Variants in EVI5L observed in about 807,000 individuals in gnomAD.
EVI5L encodes the protein ecotropic viral integration site 5 like.
A neutral mutation model predicts 106.1 loss-of-function variants in EVI5L; 30 were observed. The ratio of observed to expected loss-of-function variants is 0.28; its 90% CI spans 0.21 to 0.38. EVI5L has a LOEUF of 0.38. EVI5L is among the 10% of genes least tolerant of loss of function. The pLI, the probability that EVI5L is intolerant of heterozygous loss-of-function variation, is 1.00. For missense variants in EVI5L, 809 were observed against 1,098.0 expected (o/e 0.74, Z 3.72); for synonymous variants, 489 against 483.3 (o/e 1.01, Z -0.15).
rs757641818 is a variant in EVI5L at position 7,848,878 on chromosome 19, G to C, written c.328-43G>C. On this transcript the variant is annotated intron_variant, in intron 3 of 19. Coordinates refer to ENST00000538904, the MANE Select transcript of EVI5L (RefSeq NM_001159944.3). This position sits in a 1 kb window ranked among gnomAD's most constrained non-coding sequence, Gnocchi z 4.8. ...GGCTGGGTGGCCACGGGGAGGCTGC[G>C]CTGGGACCGAGTCCAGCCCCCGCTT... The C allele has an allele frequency of 8.2e-6, 13 of 1,581,398 alleles. No individual in the cohort carries two copies. Among genetic ancestry groups the C allele is most frequent in the Non-Finnish European group, 1.1e-5 (13 of 1,159,764 alleles).
chr19:7,847,760 C>T lies in EVI5L; in HGVS notation c.166C>T (p.Arg56Cys), dbSNP rs749715262. Residue 56 changes from arginine to cysteine, a missense_variant, in exon 3 of 20, where the codon CGC (arginine) becomes TGC (cysteine). Around this residue, in one of 2 missense-constraint regions of EVI5L, gnomAD observed 357 missense variants for 588.1 expected, o/e 0.61. Coordinates refer to ENST00000538904, the MANE Select transcript of EVI5L (RefSeq NM_001159944.3). ...RLLEADSKSM[R>C]SMNGSRRNSG... Reference sequence around the variant, plus strand: ...CCTGGAGGCCGACTCCAAGTCCATGCGCTCCATGAATGGCTCGCGGCGGAA... The same window carrying T: ...CCTGGAGGCCGACTCCAAGTCCATGTGCTCCATGAATGGCTCGCGGCGGAA... 6.2e-6 allele frequency: 10 copies of T among 1,613,314 alleles called. No homozygotes were observed. The highest frequency in any genetic ancestry group is 4.0e-5 in the African/African-American group (3 of 74,902).
chr19:7,862,727 C>CGCGGCCA (rs2146441259), intron 17 of EVI5L, among the ~76,000 whole-genome samples, 193 bp downstream of exon 17: 1 of 120,580 alleles, frequency 8.3e-6, no homozygotes, highest in African/African-American at 3.0e-5. Context: ...TGATCCGGCC[C>CGCGGCCA]CGCCTCCTGA....
At position 7,851,777 on chromosome 19, in the gene EVI5L, C is replaced by T. The variant is rs762212619; in HGVS notation, c.987+7C>T. 1.1e-5 allele frequency: 17 copies of T among 1,493,478 alleles called. No homozygotes were observed. The highest frequency in any genetic ancestry group is 4.2e-5 in the South Asian group (3 of 71,034). 92.5% of individuals were successfully genotyped at this position (1,493,478 alleles called of 1,614,324 possible). A position where few individuals can be genotyped will look rare whatever the true frequency, so the allele number is the denominator to read the frequency against. ...CATGGAGGGGATGTCCCAGGTGGGC[C>T]GGGAGGGCCAGGGCCGGTGGGGCTG... On this transcript the variant is annotated splice_region_variant and intron_variant, in intron 8 of 19. Transcript: ENST00000538904.
intron 1 of EVI5L, among the ~76,000 whole-genome samples, chr19:7,831,142 T>C (rs891016618): frequency 6.8e-6 from 1 of 147,956 alleles, no homozygotes; most frequent in African/African-American, 2.5e-5. Context: ...TCCTGAAAAA[T>C]CCACCCATGC....
intron 7 of EVI5L, 26 bp from the exon 8 acceptor site, chr19:7,851,655 T>C (rs1371580409): frequency 3.8e-6 from 6 of 1,586,248 alleles, no homozygotes; most frequent in Non-Finnish European, 4.3e-6. Context: ...GCCCTCCACC[T>C]CCCACTGCCT....
chr19:7,832,707 A>G (rs62125114), intron 1 of EVI5L, among the ~76,000 whole-genome samples: 23,658 of 152,132 alleles, frequency 0.16, 2,420 homozygotes, highest in Middle Eastern at 0.22. Context: ...GCTGAGCTGT[A>G]TTGCAGGGAG....
At chr19:7,841,240 C>T (rs1002189164) in intron 1 of EVI5L, among the ~76,000 whole-genome samples, 3 of 151,886 alleles carry the variant, frequency 2.0e-5, no homozygotes, top group South Asian at 2.1e-4. Flanking sequence ...TTGAGAGAAA[C>T]GAAAAGCTGG....
Position 7,860,570 on chromosome 19 carries a change from C to A in EVI5L, c.1384C>A (p.Arg462Ser), listed in dbSNP as rs867547729. The A allele has an allele frequency of 6.3e-7, 1 of 1,591,482 alleles. No homozygotes were observed. Among genetic ancestry groups the A allele is most frequent in the East Asian group, 2.3e-5 (1 of 44,058 alleles). Residue 462 changes from arginine (R) to serine (S), a missense_variant, in exon 14 of 20, where the codon CGC (arginine) becomes AGC (serine). Transcript: ENST00000538904. ...TCTCTGCCTCCCCCAGGAGAACCCC[C>A]GCCTCACAGAAGACTTCGTGTCCCA... The part of the protein sequence containing the change: ...RQLQEQQENP[R>S]LTEDFVSHLE...
At position 7,863,539 on chromosome 19, in the gene EVI5L, G is replaced by A; in HGVS notation, c.2255G>A (p.Gly752Asp). ...CCGTCGTCGGACGAGGAGCTACTTG[G>A]CGTAGGCGTGGGCGCTGCCCTGCAG... ...SLPSSDEELL[G>D]VGVGAALQDA... The change falls in exon 20 of 20, where the codon GGC (glycine) becomes GAC (aspartate). Residue 752 changes from glycine to aspartate, a missense_variant. Gly to Asp is a moderately conservative substitution (Grantham distance 94). Coordinates refer to ENST00000538904, the MANE Select transcript of EVI5L (RefSeq NM_001159944.3). This position sits in a 1 kb window ranked among gnomAD's most constrained non-coding sequence, Gnocchi z 7.7. 1 of 1,599,414 alleles carries A rather than the reference G, an allele frequency of 6.3e-7. No individual in the cohort carries two copies. Among genetic ancestry groups the A allele is most frequent in the East Asian group, 2.3e-5 (1 of 44,070 alleles).
Position 7,863,823 on chromosome 19 carries a change from C to A in EVI5L, c.*121C>A. 2 of 1,349,468 alleles carry A rather than the reference C, an allele frequency of 1.5e-6. No homozygotes were observed. The highest frequency in any genetic ancestry group is 1.5e-5 in the African/African-American group (1 of 65,230). The allele number at this position is 1,349,468 out of a possible 1,614,324, so 83.6% of individuals were successfully genotyped here. ...TACGCGCCCTCTGTGGCTCGGCCAC[C>A]CCTAAAGCGAGGCCCGGCGAGGCAG... is the stretch of plus-strand genomic sequence containing the variant. On this transcript the variant is annotated 3_prime_UTR_variant, in exon 20 of 20. Transcript: ENST00000538904. This position sits in a 1 kb window ranked among gnomAD's most constrained non-coding sequence, Gnocchi z 7.7.
intron 1 of EVI5L, among the ~76,000 whole-genome samples, chr19:7,840,316 T>G (rs1380012879): frequency 6.6e-6 from 1 of 152,110 alleles, no homozygotes; most frequent in African/African-American, 2.4e-5. Flanking sequence ...CTGTCTCTAC[T>G]AAAAATACAA....
chr19:7,859,864 C>T (rs1052931343), intron 13 of EVI5L, among the ~76,000 whole-genome samples: 8 of 152,238 alleles, frequency 5.3e-5, no homozygotes, highest in Non-Finnish European at 8.8e-5. Context: ...GCAGAGCCAC[C>T]GTCACACGTG....
At chr19:7,836,360 C>A (rs150272789) in intron 1 of EVI5L, among the ~76,000 whole-genome samples, 1 of 152,228 alleles carries the variant, frequency 6.6e-6, no homozygotes, top group Non-Finnish European at 1.5e-5. Context: ...CATATGTGCT[C>A]GCCCTCTCTC....
rs1979092413 is a variant in EVI5L, at chr19:7,848,898, C to T, written c.328-23C>T. ...GCTGCGCTGGGACCGAGTCCAGCCC[C>T]CGCTTCCCGCTCCCGTGGCCAGGAG... On this transcript the variant is annotated intron_variant, in intron 3 of 19. Coordinates refer to ENST00000538904, the MANE Select transcript of EVI5L (RefSeq NM_001159944.3). The surrounding 1 kb of genome is among the most constrained non-coding windows in gnomAD (Gnocchi z 4.8). The T allele has an allele frequency of 6.3e-7, 1 of 1,599,472 alleles. No homozygotes were observed. The highest frequency in any genetic ancestry group is 1.7e-5 in the Admixed American group (1 of 59,584).
chr19:7,834,589 A>G (rs1259874190), intron 1 of EVI5L, among the ~76,000 whole-genome samples: 1 of 152,194 alleles, frequency 6.6e-6, no homozygotes, highest in Non-Finnish European at 1.5e-5. Flanking sequence ...CACCACAGAA[A>G]GGGAGGGCCT....
intron 5 of EVI5L, among the ~76,000 whole-genome samples, 165 bp downstream of exon 5, chr19:7,849,495 G>T (rs1263380587): frequency 6.6e-6 from 1 of 152,232 alleles, no homozygotes; most frequent in Non-Finnish European, 1.5e-5. Flanking sequence ...CCAGGCCAAG[G>T]CCCAGTGAGT....
At chr19:7,861,828 G>A (rs1222547103) in intron 14 of EVI5L, 50 bp from the exon 15 acceptor site, 1 of 1,546,132 alleles carries the variant, frequency 6.5e-7, no homozygotes, top group East Asian at 2.4e-5. Flanking sequence ...TGCAGGAAGG[G>A]CCATGCGGCT....
At chr19:7,843,392 C>CATGTGTGTTT (rs149990071) in intron 1 of EVI5L, among the ~76,000 whole-genome samples, 1 of 107,138 alleles carries the variant, frequency 9.3e-6, no homozygotes, top group African/African-American at 4.0e-5. Context: ...CGAGTGTGTG[C>CATGTGTGTTT]ATAGGTGTGT....
At chr19:7,842,878 TG>T (rs965436161) in intron 1 of EVI5L, among the ~76,000 whole-genome samples, 27 of 151,864 alleles carry the variant, frequency 1.8e-4, no homozygotes, top group Non-Finnish European at 3.2e-4. Context: ...TATGTGTGAA[TG>T]TGCATGGGTA....
Sources: gnomAD v4.1 joint callset for allele counts (sites outside exome capture counted in the v4.1 genomes callset) on GRCh38, gnomAD v4.1.1 for gene constraint, gnomAD v4.1.1 regional missense constraint, Gnocchi (gnomAD v3.1) non-coding constraint, MANE v1.5 for transcripts, NCBI Gene and HGNC (gene_info 2026-07-23, HGNC 2026-07-21) for gene names.